The following ATP8B4 variants were observed in gnomAD, a reference collection of about 807,000 sequenced individuals.
ATP8B4 encodes the protein ATPase phospholipid transporting 8B4 (putative), also known as probable phospholipid-transporting ATPase IM.
Under a neutral mutation model 145.6 loss-of-function variants are expected in ATP8B4, and 133 were observed. That is an observed-to-expected ratio of 0.91 (90% CI 0.79 to 1.05). The LOEUF is 1.05. Among genes scored for constraint, ATP8B4 ranks in the 50% least tolerant of loss-of-function variants. ATP8B4 has a pLI of 0.00. For synonymous variants in ATP8B4, 507 were observed against 492.9 expected (o/e 1.03, Z -0.38); for missense variants, 1,458 against 1,425.2 (o/e 1.02, Z -0.37).
intron 10 of ATP8B4, among the ~76,000 whole-genome samples, chr15:49,985,811 C>T (rs2046555157): frequency 6.6e-6 from 1 of 152,138 alleles, no homozygotes; most frequent in Non-Finnish European, 1.5e-5. Context: ...TGTCAAGCAT[C>T]CTTTTCCGTA....
intron 3 of ATP8B4, among the ~76,000 whole-genome samples, chr15:50,062,999 G>T (rs1187856414): frequency 6.6e-6 from 1 of 151,508 alleles, no homozygotes; most frequent in East Asian, 1.9e-4. Context: ...ACTTGGGGAG[G>T]AATCTTCAAA....
chr15:49,953,384 A>C (rs2043274154), intron 14 of ATP8B4, among the ~76,000 whole-genome samples: 2 of 152,082 alleles, frequency 1.3e-5, no homozygotes, highest in South Asian at 4.1e-4. Context: ...GGGAAAGCCA[A>C]ATTCTATCCC....
At chr15:50,180,897 T>A (rs1453938701) in intron 1 of ATP8B4, among the ~76,000 whole-genome samples, 1 of 152,092 alleles carries the variant, frequency 6.6e-6, no homozygotes, top group African/African-American at 2.4e-5. Context: ...TGTGAAACAT[T>A]TTTGTGTGTT....
intron 1 of ATP8B4, among the ~76,000 whole-genome samples, chr15:50,140,335 C>T (rs1406569285): frequency 1.3e-5 from 2 of 152,142 alleles, no homozygotes; most frequent in East Asian, 1.9e-4. Flanking sequence ...CAGGCCCAGA[C>T]TCCTGACTCT....
Position 50,090,623 on chromosome 15 carries a change from G to A in ATP8B4, c.28+16316C>T, listed in dbSNP as rs571453522. ...ATTGGATTTCACCATCTCTAGAACT[G>A]TGAGGAATACATTTCTGTTTCGTTT... On this transcript the variant is annotated intron_variant, in intron 2 of 27. Transcript: ENST00000284509. Among the ~76,000 whole-genome samples the A allele has an allele frequency of 7.6e-4, 116 of 152,278 alleles. 1 individual carries two copies. Among genetic ancestry groups the A allele is most frequent in the African/African-American group, 2.7e-3 (112 of 41,564 alleles).
At chr15:49,870,839 C>A (rs541758997) in intron 25 of ATP8B4, among the ~76,000 whole-genome samples, 1 of 152,344 alleles carries the variant, frequency 6.6e-6, no homozygotes, top group East Asian at 1.9e-4. Flanking sequence ...ACTGAAATGA[C>A]AGAAGCTGGG....
intron 6 of ATP8B4, among the ~76,000 whole-genome samples, chr15:50,026,739 A>G (rs560635837): frequency 1.3e-5 from 2 of 152,318 alleles, no homozygotes; most frequent in South Asian, 2.1e-4. Flanking sequence ...GCCTCCTGAC[A>G]CCAGGCTAGT....
chr15:50,063,119 A>T (rs1034282489), intron 3 of ATP8B4, among the ~76,000 whole-genome samples: 2 of 152,080 alleles, frequency 1.3e-5, no homozygotes, highest in Non-Finnish European at 2.9e-5. Context: ...TTATTAAGAC[A>T]GAGAGCAATA....
At chr15:49,908,048 C>G (rs757308371) in intron 20 of ATP8B4, 6 of 455,946 alleles carry the variant, frequency 1.3e-5, no homozygotes, top group Non-Finnish European at 1.8e-5. Context: ...TACTTACCCT[C>G]TATATACTTC....
intron 1 of ATP8B4, among the ~76,000 whole-genome samples, chr15:50,167,579 TC>T (rs2044612978): frequency 6.9e-6 from 1 of 145,108 alleles, no homozygotes; most frequent in South Asian, 2.2e-4. Flanking sequence ...ACACATTTTT[TC>T]AAATAATGTC....
intron 13 of ATP8B4, 55 bp from the exon 14 acceptor site, chr15:49,962,075 A>T: frequency 7.2e-7 from 1 of 1,380,858 alleles, no homozygotes; most frequent in Non-Finnish European, 1.0e-6. Flanking sequence ...TTAGAATTAG[A>T]CATTTAGTTT....
intron 4 of ATP8B4, among the ~76,000 whole-genome samples, chr15:50,045,779 C>A (rs950560780): frequency 2.0e-4 from 30 of 152,104 alleles, no homozygotes; most frequent in African/African-American, 7.2e-4. Flanking sequence ...TGAACCATCC[C>A]AAAGTTCCCT....
chr15:50,154,664 C>T (rs966802316), intron 1 of ATP8B4, among the ~76,000 whole-genome samples: 1 of 151,890 alleles, frequency 6.6e-6, no homozygotes, highest in Non-Finnish European at 1.5e-5. Context: ...ATAAAACAAA[C>T]ATATTTATAT....
intron 1 of ATP8B4, among the ~76,000 whole-genome samples, chr15:50,111,400 T>C (rs750952727): frequency 4.6e-5 from 7 of 152,264 alleles, no homozygotes; most frequent in African/African-American, 7.2e-5. Context: ...TTTAAATTAA[T>C]AAATTGTCAT....
chr15:49,928,461 A>C (rs2040936374), intron 16 of ATP8B4, among the ~76,000 whole-genome samples: 1 of 152,074 alleles, frequency 6.6e-6, no homozygotes, highest in African/African-American at 2.4e-5. Flanking sequence ...GGAAAGTAGA[A>C]GAAAAGTAGA....
chr15:49,962,080 T>A (rs2044131452), intron 13 of ATP8B4, 60 bp from the exon 14 acceptor site: 2 of 1,320,576 alleles, frequency 1.5e-6, no homozygotes, highest in Non-Finnish European at 2.1e-6. Flanking sequence ...ATTAGACATT[T>A]AGTTTTAAGG....
At chr15:50,102,011 T>A (rs2056386008) in intron 2 of ATP8B4, among the ~76,000 whole-genome samples, 1 of 152,226 alleles carries the variant, frequency 6.6e-6, no homozygotes, top group South Asian at 2.1e-4. Flanking sequence ...AACAATGAAA[T>A]CAAGATGGAA....
intron 6 of ATP8B4, among the ~76,000 whole-genome samples, chr15:50,020,807 G>A (rs2049491398): frequency 6.6e-6 from 1 of 152,076 alleles, no homozygotes; most frequent in African/African-American, 2.4e-5. Flanking sequence ...TGGTTATTAG[G>A]TGATATTTAT....
At chr15:49,985,389 C>T (rs527947071) in intron 10 of ATP8B4, among the ~76,000 whole-genome samples, 1 of 152,182 alleles carries the variant, frequency 6.6e-6, no homozygotes, top group Non-Finnish European at 1.5e-5. Flanking sequence ...AGCCACCGCG[C>T]CCAGCAGATA....
Sources: gnomAD v4.1 joint callset for allele counts (sites outside exome capture counted in the v4.1 genomes callset) on GRCh38, gnomAD v4.1.1 for gene constraint, MANE v1.5 for transcripts, NCBI Gene and HGNC (gene_info 2026-07-23, HGNC 2026-07-21) for gene names.